The following TBC1D19 variants were observed in gnomAD, a reference collection of about 807,000 sequenced individuals.
TBC1D19 encodes TBC1 domain family member 19.
TBC1D19 carries 60 observed loss-of-function variants against 89.0 expected under a neutral mutation model. The ratio of observed to expected loss-of-function variants is 0.67; its 90% CI spans 0.55 to 0.84. TBC1D19 has a LOEUF of 0.84. Among genes scored for constraint, TBC1D19 ranks in the 40% least tolerant of loss-of-function variants. The pLI is 0.00. For synonymous variants in TBC1D19, 189 were observed against 199.7 expected (o/e 0.95, Z 0.45); for missense variants, 500 against 610.8 (o/e 0.82, Z 1.91).
At chr4:26,629,483 C>T (rs564131962) in intron 4 of TBC1D19, among the ~76,000 whole-genome samples, 2 of 151,956 alleles carry the variant, frequency 1.3e-5, no homozygotes, top group South Asian at 2.1e-4. Context: ...GTCCCCAGCC[C>T]GTGGTAGATA....
intron 13 of TBC1D19, 123 bp from the exon 14 acceptor site, chr4:26,717,810 G>A (rs1716727567): frequency 1.5e-6 from 1 of 674,030 alleles, no homozygotes; most frequent in African/African-American, 1.8e-5. Flanking sequence ...CCGATAAAGG[G>A]CATTCTTCCC....
chr4:26,721,186 G>A (rs939796657), intron 15 of TBC1D19, among the ~76,000 whole-genome samples: 11 of 151,362 alleles, frequency 7.3e-5, no homozygotes, highest in Non-Finnish European at 1.5e-4. Context: ...TATCCAGTTC[G>A]TACCTCTCCC....
intron 4 of TBC1D19, 124 bp downstream of exon 4, chr4:26,620,812 A>G (rs1742001680): frequency 4.1e-6 from 3 of 738,364 alleles, no homozygotes; most frequent in Non-Finnish European, 6.3e-6. Context: ...GAACCACTAA[A>G]TTTATGTTAA....
the TBC1D19 span, among the ~76,000 whole-genome samples, chr4:26,788,827 T>C: frequency 6.6e-6 from 1 of 152,118 alleles, no homozygotes; most frequent in South Asian, 2.1e-4. Context: ...TAGAGACAAG[T>C]ATTTGCAGTT....
chr4:26,858,791 G>A, the TBC1D19 span: 71,173 of 151,792 alleles, frequency 0.47, 17,219 homozygotes, highest in Middle Eastern at 0.69. Context: ...CGGATCCCTA[G>A]TTCCTTTCCG....
the TBC1D19 span, among the ~76,000 whole-genome samples, chr4:26,818,596 T>C: frequency 6.6e-6 from 1 of 152,188 alleles, no homozygotes; most frequent in Non-Finnish European, 1.5e-5. Flanking sequence ...ATATAAAAGA[T>C]GCAAGAAGAG....
At chr4:26,665,684 T>C (rs1201411178) in intron 8 of TBC1D19, among the ~76,000 whole-genome samples, 2 of 152,090 alleles carry the variant, frequency 1.3e-5, no homozygotes, top group East Asian at 3.8e-4. Context: ...TACAGTAACA[T>C]AGAAAGCACA....
At chr4:26,666,706 A>G (rs1315689065) in intron 9 of TBC1D19, among the ~76,000 whole-genome samples, 1 of 151,988 alleles carries the variant, frequency 6.6e-6, no homozygotes, top group African/African-American at 2.4e-5. Context: ...GGCCATCAGC[A>G]TCTGTTTTTA....
the TBC1D19 span, among the ~76,000 whole-genome samples, chr4:26,851,871 A>G: frequency 1.3e-5 from 2 of 152,214 alleles, no homozygotes; most frequent in African/African-American, 4.8e-5. Context: ...GTGTGCCACC[A>G]CGCTCAGCTA....
chr4:26,789,363 G>C, the TBC1D19 span, among the ~76,000 whole-genome samples: 2 of 152,164 alleles, frequency 1.3e-5, no homozygotes, highest in African/African-American at 4.8e-5. Context: ...GTCACTTCCA[G>C]ATCTGGCCCA....
At chr4:26,656,987 T>C (rs11728379) in intron 7 of TBC1D19, among the ~76,000 whole-genome samples, 392 of 17,850 alleles carry the variant, frequency 0.022, 6 homozygotes, top group East Asian at 0.11. Context: ...TTCTTCTTCT[T>C]CTTCTCCTTC....
chr4:26,665,777 G>A (rs1476854449), intron 8 of TBC1D19, among the ~76,000 whole-genome samples: 2 of 151,716 alleles, frequency 1.3e-5, no homozygotes, highest in African/African-American at 2.4e-5. Flanking sequence ...GTGTTTGTAT[G>A]TGTGTGTGTG....
chr4:26,730,217 G>T (rs1717569718), intron 15 of TBC1D19, among the ~76,000 whole-genome samples: 1 of 152,146 alleles, frequency 6.6e-6, no homozygotes, highest in Admixed American at 6.5e-5. Context: ...ATGAGTACCT[G>T]TTATATTCTG....
chr4:26,683,848 C>T, intron 12 of TBC1D19, 99 bp downstream of exon 12: 1 of 952,500 alleles, frequency 1.0e-6, no homozygotes, highest in Non-Finnish European at 1.5e-6. Flanking sequence ...TATATATTAA[C>T]CTTGAAAAAT....
the TBC1D19 span, among the ~76,000 whole-genome samples, chr4:26,786,169 G>A: frequency 7.9e-5 from 12 of 152,250 alleles, no homozygotes; most frequent in South Asian, 1.9e-3. Flanking sequence ...GAATGGCCTC[G>A]TTTAAGCCTA....
intron 13 of TBC1D19, among the ~76,000 whole-genome samples, chr4:26,698,244 A>G (rs1200416733): frequency 6.6e-6 from 1 of 152,208 alleles, no homozygotes; most frequent in Non-Finnish European, 1.5e-5. Context: ...CAAAATCATG[A>G]GTGAACTCCC....
chr4:26,740,021 A>G (rs772580421), intron 17 of TBC1D19, 48 bp downstream of exon 17: 18 of 1,256,536 alleles, frequency 1.4e-5, no homozygotes, highest in Non-Finnish European at 1.9e-5. Context: ...ATTGTAATCT[A>G]TTCTTTCTTT....
At chr4:26,764,549 A>G in the TBC1D19 span, among the ~76,000 whole-genome samples, 3 of 152,200 alleles carry the variant, frequency 2.0e-5, no homozygotes, top group Admixed American at 6.5e-5. Context: ...ATGATATATC[A>G]TCTTCATCTG....
intron 1 of TBC1D19, among the ~76,000 whole-genome samples, chr4:26,612,263 T>A (rs559993907): frequency 2.2e-4 from 33 of 151,382 alleles, no homozygotes; most frequent in African/African-American, 6.8e-4. Context: ...GGAGGTTTTT[T>A]AAAAAATCTC....
Sources: gnomAD v4.1 joint callset for allele counts (sites outside exome capture counted in the v4.1 genomes callset) on GRCh38, gnomAD v4.1.1 for gene constraint, MANE v1.5 for transcripts, NCBI Gene and HGNC (gene_info 2026-07-23, HGNC 2026-07-21) for gene names.